The following TSPEAR variants were observed in gnomAD, a reference collection of about 807,000 sequenced individuals.
TSPEAR encodes the protein thrombospondin-type laminin G domain and EAR repeat-containing protein.
Under a neutral mutation model 71.6 loss-of-function variants are expected in TSPEAR, and 69 were observed. The observed-to-expected ratio is 0.96, with a 90% CI of 0.79 to 1.18. TSPEAR has a LOEUF of 1.18. TSPEAR is among the 50% of genes most tolerant of loss of function. The pLI, the probability that TSPEAR is intolerant of heterozygous loss-of-function variation, is 0.00. For synonymous variants in TSPEAR, 402 were observed against 387.2 expected, an observed-to-expected ratio of 1.04 and a Z score of -0.45; for missense variants, 971 against 894.9, an observed-to-expected ratio of 1.09 and a Z score of -1.09.
chr21:44,654,245 G>A (rs368942609), intron 1 of TSPEAR: 56 of 1,561,310 alleles, frequency 3.6e-5, no homozygotes, highest in East Asian at 1.6e-4. Flanking sequence ...TTCTGACCTC[G>A]CACCTACGAG....
intron 2 of TSPEAR, among the ~76,000 whole-genome samples, chr21:44,548,778 G>A (rs1555918077): frequency 2.0e-5 from 3 of 152,066 alleles, no homozygotes; most frequent in African/African-American, 7.2e-5. Context: ...GCACAATTAG[G>A]GACCATCTTT....
chr21:44,698,059 T>A, intron 1 of TSPEAR: 3 of 1,237,546 alleles, frequency 2.4e-6, no homozygotes, highest in Non-Finnish European at 3.4e-6. Flanking sequence ...GTCTGTCTCT[T>A]CCTTGGAGAT....
At chr21:44,517,579 T>A (rs1555913623) in intron 9 of TSPEAR, 2 of 356,588 alleles carry the variant, frequency 5.6e-6, no homozygotes, top group Admixed American at 3.7e-5. Context: ...CCATGGGCTG[T>A]GAGCACAGGT....
intron 10 of TSPEAR, among the ~76,000 whole-genome samples, chr21:44,505,539 C>T (rs1160868576): frequency 2.2e-5 from 3 of 137,784 alleles, no homozygotes; most frequent in East Asian, 2.2e-4. Context: ...CGAAGCTCTG[C>T]ACCCAGTAAA....
chr21:44,702,986 G>A (rs1338596368), intron 1 of TSPEAR, among the ~76,000 whole-genome samples: 1 of 152,200 alleles, frequency 6.6e-6, no homozygotes, highest in South Asian at 2.1e-4. Context: ...AGGAAACCAT[G>A]AGACAGCCCT....
chr21:44,667,893 C>G (rs1033636266), intron 1 of TSPEAR, among the ~76,000 whole-genome samples: 1 of 152,178 alleles, frequency 6.6e-6, no homozygotes, highest in Admixed American at 6.5e-5. Context: ...AATCAACAAA[C>G]TAAGAATAGA....
intron 1 of TSPEAR, among the ~76,000 whole-genome samples, chr21:44,586,443 G>C (rs1474156637): frequency 6.6e-6 from 1 of 152,086 alleles, no homozygotes; most frequent in African/African-American, 2.4e-5. Flanking sequence ...CCCAAACAGA[G>C]GGCTTAGGCT....
chr21:44,588,754 T>TA (rs1319497267), intron 1 of TSPEAR, among the ~76,000 whole-genome samples: 1 of 135,988 alleles, frequency 7.4e-6, no homozygotes, highest in Non-Finnish European at 1.6e-5. Flanking sequence ...ATGTTATATA[T>TA]ATGTATGTGT....
chr21:44,671,142 A>AC (rs1986037673), intron 1 of TSPEAR, among the ~76,000 whole-genome samples: 2 of 152,170 alleles, frequency 1.3e-5, no homozygotes, highest in African/African-American at 4.8e-5. Context: ...GGATGTGCCC[A>AC]CCCAGCATGC....
intron 9 of TSPEAR, chr21:44,519,656 G>T (rs1325258592): frequency 1.3e-5 from 2 of 152,362 alleles, no homozygotes; most frequent in Non-Finnish European, 2.9e-5. Context: ...AGAGGACTGT[G>T]CAGGGACCAG....
At chr21:44,616,045 A>T (rs1982071633) in intron 1 of TSPEAR, among the ~76,000 whole-genome samples, 1 of 152,204 alleles carries the variant, frequency 6.6e-6, no homozygotes, top group South Asian at 2.1e-4. Context: ...CACAGAGAAG[A>T]CCACCCCATC....
rs906618968 is a variant in TSPEAR, at chr21:44,506,132, A to C, written c.1755-1251T>G. On this transcript the variant is annotated intron_variant, in intron 10 of 11. Coordinates refer to ENST00000323084, the MANE Select transcript of TSPEAR (RefSeq NM_144991.3). The surrounding 1 kb of genome is among the most constrained non-coding windows in gnomAD (Gnocchi z 4.2). ...TCACAGATGTTCTCCTAGAAGCAGA[A>C]GCTGTTTCTTGTTGCAAACAAATTT... 1.3e-5 allele frequency among the ~76,000 whole-genome samples: 2 copies of C among 152,222 alleles called. No individual in the cohort carries two copies. Among genetic ancestry groups the C allele is most frequent in the African/African-American group, 2.4e-5 (1 of 41,448 alleles).
intron 1 of TSPEAR, among the ~76,000 whole-genome samples, chr21:44,696,144 C>T (rs1555950442): frequency 6.6e-6 from 1 of 152,166 alleles, no homozygotes; most frequent in East Asian, 1.9e-4. Flanking sequence ...CATAAATAAA[C>T]CCAAATCCTC....
At chr21:44,696,572 C>T (rs868909195) in intron 1 of TSPEAR, among the ~76,000 whole-genome samples, 1 of 151,780 alleles carries the variant, frequency 6.6e-6, no homozygotes, top group Non-Finnish European at 1.5e-5. Context: ...GACTGTTTGC[C>T]GAAAAAAATA....
chr21:44,539,772 A>C, intron 2 of TSPEAR: 1 of 1,612,818 alleles, frequency 6.2e-7, no homozygotes, highest in Non-Finnish European at 8.5e-7. Context: ...GTTGGCTGGC[A>C]GCTAGACTGC....
chr21:44,524,639 C>T (rs1275622497), intron 8 of TSPEAR, among the ~76,000 whole-genome samples: 1 of 151,344 alleles, frequency 6.6e-6, no homozygotes, highest in Admixed American at 6.6e-5. Context: ...AGTCAGTCAT[C>T]AGTCAGTTAG....
intron 1 of TSPEAR, among the ~76,000 whole-genome samples, chr21:44,641,558 G>T (rs1984023733): frequency 6.6e-6 from 1 of 152,158 alleles, no homozygotes; most frequent in Non-Finnish European, 1.5e-5. Flanking sequence ...GCAGTGGGGA[G>T]AAAATCCAAG....
intron 8 of TSPEAR, among the ~76,000 whole-genome samples, chr21:44,525,311 CAT>C (rs2052832188): frequency 6.6e-6 from 1 of 152,046 alleles, no homozygotes; most frequent in African/African-American, 2.4e-5. Flanking sequence ...GGCAGTCAGT[CAT>C]CAGGTAATTA....
At chr21:44,561,903 C>T (rs233257) in intron 2 of TSPEAR, among the ~76,000 whole-genome samples, 138,546 of 152,190 alleles carry the variant, frequency 0.91, 63,353 homozygotes, top group Non-Finnish European at 0.96. Context: ...TGAAAGCATT[C>T]CCTTTGAAAA....
Sources: allele counts gnomAD v4.1 joint callset (sites outside exome capture counted in the v4.1 genomes callset), GRCh38; gene constraint gnomAD v4.1.1; non-coding constraint Gnocchi (gnomAD v3.1); transcripts MANE v1.5; gene names NCBI Gene and HGNC (gene_info 2026-07-23, HGNC 2026-07-21).